SGPP1: variants seen among roughly 807,000 people sequenced by gnomAD.
SGPP1 encodes the protein hSPP1.
A neutral mutation model predicts 33.0 loss-of-function variants in SGPP1; 21 were observed. The ratio of observed to expected loss-of-function variants is 0.64; its 90% confidence interval spans 0.45 to 0.92. The LOEUF is 0.92. Ranked by LOEUF, SGPP1 falls within the 40% of genes least tolerant of loss-of-function variation. The pLI is 0.00. For missense variants in SGPP1, 543 were observed against 589.4 expected (o/e 0.92, Z 0.81); for synonymous variants, 239 against 241.2 (o/e 0.99, Z 0.08).
chr14:63,713,940 T>C (rs543345243), intron 1 of SGPP1, among the ~76,000 whole-genome samples: 1 of 152,334 alleles, frequency 6.6e-6, no homozygotes, highest in South Asian at 2.1e-4. Context: ...GCCCTCAATG[T>C]TGGCATGCAC....
Position 63,705,452 on chromosome 14 carries a change from G to C in SGPP1, c.685-6794C>G, listed in dbSNP as rs910869256. ...GGGGGCCGAGGTGGGCAGATTGCTT[G>C]AGCCCAGGAGTTTGAGATGAGCCTG... is the stretch of plus-strand genomic sequence containing the variant. On this transcript the variant is annotated intron_variant, in intron 1 of 2. Transcript: ENST00000247225. Among the ~76,000 whole-genome samples the C allele has an allele frequency of 2.6e-4, 40 of 151,326 alleles. 1 individual carries two copies. The highest frequency in any genetic ancestry group is 1.5e-4 in the Non-Finnish European group (10 of 67,910).
At chr14:63,705,784 A>G (rs1885398745) in intron 1 of SGPP1, among the ~76,000 whole-genome samples, 1 of 152,238 alleles carries the variant, frequency 6.6e-6, no homozygotes, top group South Asian at 2.1e-4. Context: ...GAAAGTAACA[A>G]GTATTGGTGA....
intron 2 of SGPP1, among the ~76,000 whole-genome samples, chr14:63,688,783 G>A (rs1016508522): frequency 6.7e-6 from 1 of 148,670 alleles, no homozygotes; most frequent in Non-Finnish European, 1.5e-5. Context: ...ATGCAGTGGC[G>A]TGATCTCAGC....
chr14:63,708,773 C>T (rs558061794), intron 1 of SGPP1, among the ~76,000 whole-genome samples: 3 of 152,090 alleles, frequency 2.0e-5, no homozygotes, highest in Non-Finnish European at 2.9e-5. Context: ...AACCATATGG[C>T]GTAGCTATTC....
At chr14:63,702,259 A>G (rs1201846355) in intron 1 of SGPP1, among the ~76,000 whole-genome samples, 2 of 152,328 alleles carry the variant, frequency 1.3e-5, no homozygotes, top group African/African-American at 4.8e-5. Flanking sequence ...TAAAGAAGCT[A>G]TGAGGCTTTC....
At chr14:63,696,726 C>G (rs958435504) in intron 2 of SGPP1, among the ~76,000 whole-genome samples, 5 of 152,218 alleles carry the variant, frequency 3.3e-5, no homozygotes, top group African/African-American at 1.2e-4. Context: ...TGGCTCACAT[C>G]TGTAATCCCA....
chr14:63,686,471 G>A lies in SGPP1; in HGVS notation c.960C>T (p.Ala320=), dbSNP rs201520860. Residue 320 remains alanine, a synonymous_variant, in exon 3 of 3, where the codon GCC becomes GCT. Transcript: ENST00000247225. ...TTCCAGCACCACTTCCTAGTATCTC[G>A]GCTGTGTCTCCTCGGGATGTGCTCC... ...DTWSTSRGDT[A]EILGSGAGIA... The A allele has an allele frequency of 1.8e-4, 294 of 1,614,022 alleles. 2 individuals carry two copies. In the South Asian group the frequency reaches 3.0e-3, roughly 17 times the overall value.
chr14:63,688,076 G>T (rs1000866569), intron 2 of SGPP1, among the ~76,000 whole-genome samples: 2 of 152,052 alleles, frequency 1.3e-5, no homozygotes, highest in Non-Finnish European at 2.9e-5. Context: ...GGTGAGTCAA[G>T]ATCGCACCAT....
intron 1 of SGPP1, among the ~76,000 whole-genome samples, chr14:63,723,620 G>C (rs543332163): frequency 2.3e-4 from 35 of 151,940 alleles, no homozygotes; most frequent in Admixed American, 8.5e-4. Flanking sequence ...TGAGGAGGCT[G>C]AGGCAGGAGA....
intron 1 of SGPP1, among the ~76,000 whole-genome samples, chr14:63,710,172 G>A (rs1446568168): frequency 2.6e-5 from 4 of 152,160 alleles, no homozygotes; most frequent in African/African-American, 9.7e-5. Context: ...TACATTACTA[G>A]TGTAATGAAA....
At chr14:63,689,418 C>G (rs1352525162) in intron 2 of SGPP1, among the ~76,000 whole-genome samples, 1 of 152,110 alleles carries the variant, frequency 6.6e-6, no homozygotes, top group Non-Finnish European at 1.5e-5. Context: ...TCCCAAAGAG[C>G]TAGGATTACA....
Position 63,686,032 on chromosome 14 carries a change from G to T in SGPP1, c.*73C>A. On this transcript the variant is annotated 3_prime_UTR_variant, in exon 3 of 3. Transcript: ENST00000247225. ...CCTGCAAAAGCCTAATTCTGACCTGGCTTTACCTGGAATATATTTTTGGGT... is the reference window on the plus strand; with the variant it reads ...CCTGCAAAAGCCTAATTCTGACCTGTCTTTACCTGGAATATATTTTTGGGT... 2 of 891,118 alleles carry T rather than the reference G, an allele frequency of 2.2e-6. No individual in the cohort carries two copies. The highest frequency in any genetic ancestry group is 3.3e-6 in the Non-Finnish European group (2 of 605,250). The allele number at this position is 891,118 out of a possible 1,614,324, so 55.2% of individuals were successfully genotyped here. A position where few individuals can be genotyped will look rare whatever the true frequency, so the allele number is the denominator to read the frequency against.
At chr14:63,721,640 C>T (rs192969928) in intron 1 of SGPP1, among the ~76,000 whole-genome samples, 1 of 152,268 alleles carries the variant, frequency 6.6e-6, no homozygotes, top group Admixed American at 6.5e-5. Context: ...CTGTGACCTA[C>T]TTTTGTAACT....
chr14:63,724,375 T>C (rs898229470), intron 1 of SGPP1, among the ~76,000 whole-genome samples: 10 of 151,894 alleles, frequency 6.6e-5, no homozygotes, highest in Admixed American at 5.9e-4. Flanking sequence ...ACGCCAGGCA[T>C]ATATAAGTAA....
chr14:63,715,832 T>G (rs148060804), intron 1 of SGPP1, among the ~76,000 whole-genome samples: 1 of 152,212 alleles, frequency 6.6e-6, no homozygotes, highest in African/African-American at 2.4e-5. Flanking sequence ...AAAACCACTG[T>G]GGAGAGGAGC....
chr14:63,712,770 T>C (rs190797618), intron 1 of SGPP1, among the ~76,000 whole-genome samples: 29 of 148,910 alleles, frequency 1.9e-4, no homozygotes, highest in Admixed American at 8.6e-4. Flanking sequence ...TGGACTCAAG[T>C]GATCCTCCTG....
chr14:63,719,000 ATATATATATATATATTTTTTTTT>A (rs1885701562), intron 1 of SGPP1, among the ~76,000 whole-genome samples: 20 of 24,260 alleles, frequency 8.2e-4, no homozygotes, highest in African/African-American at 3.5e-3. Context: ...ATATATATAT[ATATATATATATATATTTTTTTTT>A]TTTTTTTTTT....
chr14:63,699,404 A>C (rs1226688327), intron 1 of SGPP1, among the ~76,000 whole-genome samples: 2 of 152,200 alleles, frequency 1.3e-5, no homozygotes, highest in Non-Finnish European at 2.9e-5. Context: ...GGGAGGGCAC[A>C]TTTGGGGCTG....
intron 2 of SGPP1, among the ~76,000 whole-genome samples, chr14:63,693,369 T>C (rs1318035045): frequency 1.3e-5 from 2 of 152,256 alleles, no homozygotes; most frequent in African/African-American, 2.4e-5. Flanking sequence ...CCATAGGATT[T>C]TGGCTACAAA....
Sources: gnomAD v4.1 joint callset for allele counts (sites outside exome capture counted in the v4.1 genomes callset) on GRCh38, gnomAD v4.1.1 for gene constraint, MANE v1.5 for transcripts, NCBI Gene and HGNC (gene_info 2026-07-23, HGNC 2026-07-21) for gene names.